The following SPATA31F3 variants were observed in gnomAD, a reference collection of about 807,000 sequenced individuals.
SPATA31F3 encodes SPATA31 subfamily F member 3.
the SPATA31F3 span, among the ~76,000 whole-genome samples, chr9:34,891,445 C>T: frequency 6.6e-6 from 1 of 152,142 alleles, no homozygotes; most frequent in African/African-American, 2.4e-5. Flanking sequence ...GCGGACTGGC[C>T]CTCCTGCCAC....
chr9:34,895,050 C>G, the SPATA31F3 span: 1 of 398,526 alleles, frequency 2.5e-6, no homozygotes, highest in Non-Finnish European at 4.4e-6. Flanking sequence ...TCTTGATGTT[C>G]TATCTCCAGA....
At chr9:34,893,985 A>G in the SPATA31F3 span, among the ~76,000 whole-genome samples, 1 of 152,212 alleles carries the variant, frequency 6.6e-6, no homozygotes, top group Non-Finnish European at 1.5e-5. Context: ...TAAGAAGAGG[A>G]TAAGATGATA....
At chr9:34,892,627 G>A in the SPATA31F3 span, 7 of 445,018 alleles carry the variant, frequency 1.6e-5, no homozygotes, top group Non-Finnish European at 2.8e-5. Context: ...TTCAGGGAAA[G>A]AAAGGGAATC....
At chr9:34,892,983 C>A in the SPATA31F3 span, 1 of 729,534 alleles carries the variant, frequency 1.4e-6, no homozygotes, top group Non-Finnish European at 2.4e-6. Flanking sequence ...GTGGACAAAG[C>A]CTCTAGGCAA....
chr9:34,891,730 A>C, the SPATA31F3 span, among the ~76,000 whole-genome samples: 3 of 152,162 alleles, frequency 2.0e-5, no homozygotes, highest in Non-Finnish European at 2.9e-5. Context: ...GACTTCCCCA[A>C]TCAAAGAGTG....
chr9:34,895,610 A>C, the SPATA31F3 span: 2 of 399,242 alleles, frequency 5.0e-6, no homozygotes, highest in Non-Finnish European at 4.4e-6. Flanking sequence ...TACCAAGCTT[A>C]ATTTTTGGCA....
At chr9:34,895,576 T>C in the SPATA31F3 span, 2 of 398,616 alleles carry the variant, frequency 5.0e-6, no homozygotes, top group South Asian at 1.3e-4. Flanking sequence ...AGTGTTTCCC[T>C]ACCCGGCAAC....
the SPATA31F3 span, among the ~76,000 whole-genome samples, chr9:34,893,849 A>G: frequency 6.6e-6 from 1 of 152,244 alleles, no homozygotes; most frequent in East Asian, 1.9e-4. Context: ...ATTTGAGGCT[A>G]AGAAACCCAA....
chr9:34,892,917 GC>G, the SPATA31F3 span: 1 of 688,432 alleles, frequency 1.5e-6, no homozygotes, highest in Non-Finnish European at 2.7e-6. Flanking sequence ...GCCAGTGAAA[GC>G]TCTTTGGATT....
the SPATA31F3 span, chr9:34,894,447 A>C: frequency 3.3e-5 from 13 of 398,612 alleles, no homozygotes; most frequent in Non-Finnish European, 5.3e-5. Context: ...TTACCTTTTC[A>C]TGAGAAACAG....
chr9:34,893,614 G>GA, the SPATA31F3 span, among the ~76,000 whole-genome samples: 8 of 150,804 alleles, frequency 5.3e-5, no homozygotes, highest in African/African-American at 1.7e-4. Context: ...AAAAAAAAAA[G>GA]AAAAAAGAAA....
At chr9:34,893,159 A>G in the SPATA31F3 span, 1 of 571,242 alleles carries the variant, frequency 1.8e-6, no homozygotes, top group Non-Finnish European at 2.8e-6. Context: ...CTGGCTGGGA[A>G]GAGAAACATG....
the SPATA31F3 span, among the ~76,000 whole-genome samples, chr9:34,891,363 T>A: frequency 6.6e-6 from 1 of 152,198 alleles, no homozygotes; most frequent in African/African-American, 2.4e-5. Context: ...GCAGGGACAA[T>A]GCCCTAGCAG....
chr9:34,890,049 A>G, the SPATA31F3 span, among the ~76,000 whole-genome samples: 1 of 152,212 alleles, frequency 6.6e-6, no homozygotes, highest in Non-Finnish European at 1.5e-5. Flanking sequence ...CAGTACTGAG[A>G]GGATGGAAAT....
At chr9:34,892,163 G>A in the SPATA31F3 span, among the ~76,000 whole-genome samples, 1 of 152,188 alleles carries the variant, frequency 6.6e-6, no homozygotes, top group East Asian at 1.9e-4. Context: ...TCTAGGCAGT[G>A]GACAGAGGCC....
At chr9:34,894,745 T>A in the SPATA31F3 span, among the ~76,000 whole-genome samples, 2 of 152,220 alleles carry the variant, frequency 1.3e-5, no homozygotes, top group African/African-American at 2.4e-5. Flanking sequence ...AGAACAAGAC[T>A]GAGAGTTGAA....
At chr9:34,889,377 G>A in the SPATA31F3 span, 81,666 of 398,410 alleles carry the variant, frequency 0.2, 8,655 homozygotes, top group South Asian at 0.29. Flanking sequence ...GGCACTGGGG[G>A]CATCACAGAA....
the SPATA31F3 span, chr9:34,893,192 C>T: frequency 2.1e-6 from 1 of 475,490 alleles, no homozygotes; most frequent in Admixed American, 3.6e-5. Context: ...GATGGAGTGA[C>T]ATCTGCCTTC....
At chr9:34,892,110 T>A in the SPATA31F3 span, among the ~76,000 whole-genome samples, 5 of 152,106 alleles carry the variant, frequency 3.3e-5, no homozygotes, top group African/African-American at 1.2e-4. Context: ...GAAACCACAG[T>A]AAGGTAGCTA....
Sources: allele counts gnomAD v4.1 joint callset (sites outside exome capture counted in the v4.1 genomes callset), GRCh38; gene constraint gnomAD v4.1.1; transcripts MANE v1.5; gene names NCBI Gene and HGNC (gene_info 2026-07-23, HGNC 2026-07-21).